The following KANK1 variants were observed in gnomAD, a reference collection of about 807,000 sequenced individuals.
KANK1 encodes KN motif and ankyrin repeat domain-containing protein 1.
KANK1 carries 109 observed loss-of-function variants against 106.2 expected under a neutral mutation model. The ratio of observed to expected loss-of-function variants is 1.03; its 90% CI spans 0.88 to 1.20. The LOEUF is 1.20. KANK1 is among the 50% of genes most tolerant of loss of function. KANK1 has a pLI of 0.00. For missense variants in KANK1, 2,399 were observed against 1,710.7 expected (o/e 1.40, Z -7.10); for synonymous variants, 873 against 652.2 (o/e 1.34, Z -5.16).
intron 1 of KANK1, among the ~76,000 whole-genome samples, chr9:556,660 C>G (rs1162638943): frequency 2.9e-5 from 4 of 138,602 alleles, no homozygotes; most frequent in African/African-American, 1.1e-4. Flanking sequence ...TGTCCAGTTA[C>G]TCTCCTTACT....
intron 2 of KANK1, among the ~76,000 whole-genome samples, chr9:689,590 AATCCCCTAAATCCTG>A (rs1364688743): frequency 2.0e-5 from 3 of 152,152 alleles, no homozygotes; most frequent in Non-Finnish European, 2.9e-5. Flanking sequence ...CTTTCCTTTT[AATCCCCTAAATCCTG>A]TCACACCCTA....
At chr9:622,981 T>C (rs1206594327) in intron 1 of KANK1, among the ~76,000 whole-genome samples, 1 of 152,088 alleles carries the variant, frequency 6.6e-6, no homozygotes, top group Non-Finnish European at 1.5e-5. Flanking sequence ...GAAAAAAGCT[T>C]CTTGACATTG....
rs114055800 is a variant in KANK1 at position 738,322 on chromosome 9, G to C, written c.3371G>C (p.Arg1124Pro). Reference sequence around the variant, plus strand: ...AACACCCTCCAGCACGAGTGGTTCCGCGTGTCCAGTCAGAAGTCAGCCATT... The same window carrying C: ...AACACCCTCCAGCACGAGTGGTTCCCCGTGTCCAGTCAGAAGTCAGCCATT... ...CLNTLQHEWF[R>P]VSSQKSAIPA... Residue 1124 changes from arginine to proline, a missense_variant, in exon 8 of 12, where the codon CGC becomes CCC. Coordinates refer to ENST00000382297, the MANE Select transcript of KANK1 (RefSeq NM_015158.5). The C allele has an allele frequency of 6.8e-6, 11 of 1,613,984 alleles. No homozygotes were observed. Among genetic ancestry groups the C allele is most frequent in the Non-Finnish European group, 9.3e-6 (11 of 1,179,978 alleles).
intron 1 of KANK1, among the ~76,000 whole-genome samples, chr9:624,756 G>A (rs955473095): frequency 5.9e-5 from 9 of 152,050 alleles, no homozygotes; most frequent in Admixed American, 1.3e-4. Flanking sequence ...CTAAGATCAC[G>A]CCACTGTACC....
In KANK1 at chr9:570,338, T is replaced by G. The variant is rs188871444; in HGVS notation, c.-84+65584T>G. On this transcript the variant is annotated intron_variant, in intron 1 of 11. Coordinates refer to ENST00000382297, the MANE Select transcript of KANK1 (RefSeq NM_015158.5). ...AAAGCCTTGACTTGCTTTTTGAGCA[T>G]AGTTAACAGTGTTGAGATAAGAGAG... Among the ~76,000 whole-genome samples the G allele has an allele frequency of 7.2e-5, 11 of 152,344 alleles. 1 individual carries two copies. The highest frequency in any genetic ancestry group is 6.8e-3 in the Middle Eastern group (2 of 294).
In KANK1 at chr9:518,561, T is replaced by C. The variant is rs970618984; in HGVS notation, c.-84+13807T>C. Among the ~76,000 whole-genome samples the C allele has an allele frequency of 8.6e-5, 13 of 151,812 alleles. 1 individual carries two copies. The highest frequency in any genetic ancestry group is 3.2e-4 in the African/African-American group (13 of 41,086). ...CCTGCGAGGTGTATGTTTTCTTTGC[T>C]TCTTTGTGTTTGGAAAGAAATATTG... On this transcript the variant is annotated intron_variant, in intron 1 of 11. Coordinates refer to ENST00000382297, the MANE Select transcript of KANK1 (RefSeq NM_015158.5).
intron 1 of KANK1, among the ~76,000 whole-genome samples, chr9:617,569 C>T (rs1477009855): frequency 1.3e-5 from 2 of 152,174 alleles, no homozygotes; most frequent in Non-Finnish European, 2.9e-5. Context: ...ACCTTTACAG[C>T]TACTTGATGG....
intron 1 of KANK1, among the ~76,000 whole-genome samples, chr9:676,488 G>T (rs1297137642): frequency 2.6e-5 from 4 of 152,174 alleles, no homozygotes; most frequent in African/African-American, 9.7e-5. Flanking sequence ...TGCAATAATT[G>T]CTTTGAAATT....
intron 1 of KANK1, among the ~76,000 whole-genome samples, chr9:533,526 C>T (rs553705005): frequency 1.3e-5 from 2 of 152,290 alleles, no homozygotes; most frequent in East Asian, 3.9e-4. Context: ...ATATATTTTA[C>T]CCTCCTCCAA....
At chr9:625,878 G>A (rs528100884) in intron 1 of KANK1, among the ~76,000 whole-genome samples, 2 of 151,952 alleles carry the variant, frequency 1.3e-5, no homozygotes, top group East Asian at 1.9e-4. Flanking sequence ...TTCATTTCCC[G>A]GTTTTAACCA....
At chr9:510,351 G>A (rs971677841) in intron 1 of KANK1, among the ~76,000 whole-genome samples, 16 of 152,182 alleles carry the variant, frequency 1.1e-4, no homozygotes, top group African/African-American at 3.9e-4. Context: ...CCATTAAGTA[G>A]TTGATTGTCC....
At chr9:562,410 G>A (rs1201463391) in intron 1 of KANK1, among the ~76,000 whole-genome samples, 10 of 152,222 alleles carry the variant, frequency 6.6e-5, no homozygotes, top group Admixed American at 6.5e-4. Context: ...TTCTGGGGAA[G>A]ATGGGAACGG....
At chr9:682,136 T>A (rs1385249501) in intron 2 of KANK1, among the ~76,000 whole-genome samples, 4 of 151,828 alleles carry the variant, frequency 2.6e-5, no homozygotes, top group African/African-American at 9.7e-5. Context: ...AAAAACTAGC[T>A]GGGTGTGGTG....
At chr9:569,236 A>G (rs1172257065) in intron 1 of KANK1, among the ~76,000 whole-genome samples, 2 of 152,022 alleles carry the variant, frequency 1.3e-5, no homozygotes, top group African/African-American at 2.4e-5. Context: ...TTCGTCTCCT[A>G]TTTATGGTCC....
intron 1 of KANK1, among the ~76,000 whole-genome samples, chr9:599,185 AT>A (rs1414010364): frequency 6.7e-6 from 1 of 149,896 alleles, no homozygotes; most frequent in African/African-American, 2.5e-5. Flanking sequence ...TGCTTGACTA[AT>A]TTTTTATTGT....
At chr9:710,559 A>G (rs1825676346) in intron 2 of KANK1, among the ~76,000 whole-genome samples, 1 of 143,864 alleles carries the variant, frequency 7.0e-6, no homozygotes, top group African/African-American at 2.5e-5. Flanking sequence ...CGGAGGCTGC[A>G]GTGAACCGAG....
chr9:732,519 G>A lies in KANK1; in HGVS notation c.3147G>A (p.Gly1049=), dbSNP rs1281607109. The change falls in exon 6 of 12, where the codon GGG becomes GGA. Residue 1049 remains glycine, a synonymous_variant. Coordinates refer to ENST00000382297, the MANE Select transcript of KANK1 (RefSeq NM_015158.5). ...AAGACACTCGGGGAATGGCAGAAGG[G>A]CACCATGCAGTTAATATTGAAGGTT... ...EDEDTRGMAE[G]HHAVNIEGLK... The A allele has an allele frequency of 6.2e-7, 1 of 1,614,152 alleles. No homozygotes were observed.
intron 3 of KANK1, among the ~76,000 whole-genome samples, chr9:717,748 T>C (rs1589156052): frequency 6.6e-6 from 1 of 152,210 alleles, no homozygotes; most frequent in East Asian, 1.9e-4. Context: ...ATTAGTGTTT[T>C]CTTTTTTTAA....
chr9:680,294 G>A (rs1344831350), intron 2 of KANK1, among the ~76,000 whole-genome samples: 3 of 152,078 alleles, frequency 2.0e-5, no homozygotes, highest in East Asian at 3.9e-4. Flanking sequence ...AAATACATCC[G>A]ACGACTGATC....
Sources: allele counts gnomAD v4.1 joint callset (sites outside exome capture counted in the v4.1 genomes callset), GRCh38; gene constraint gnomAD v4.1.1; transcripts MANE v1.5; gene names NCBI Gene and HGNC (gene_info 2026-07-23, HGNC 2026-07-21).